CFB: variants seen among roughly 807,000 people sequenced by gnomAD.
The protein encoded by CFB is B-factor, properdin.
A neutral mutation model predicts 97.2 loss-of-function variants in CFB; 59 were observed. The observed-to-expected ratio is 0.61, with a 90% CI of 0.49 to 0.75. The LOEUF (loss-of-function observed/expected upper bound fraction) is 0.75, where lower values mean the gene tolerates loss of function less well. CFB is among the 30% of genes least tolerant of loss of function. CFB has a pLI of 0.00. For missense variants in CFB, 771 were observed against 959.8 expected (o/e 0.80, Z 2.60); for synonymous variants, 316 against 351.7 (o/e 0.90, Z 1.14).
chr6:31,949,621 T>C (rs1771633155), intron 10 of CFB, 64 bp downstream of exon 10: 1 of 1,593,748 alleles, frequency 6.3e-7, no homozygotes. Context: ...TAATTCATTC[T>C]TCCTCTACAC....
Position 31,948,023 on chromosome 6 carries a change from G to C in CFB, c.839G>C (p.Ser280Thr). Residue 280 changes from serine to threonine, a missense_variant, in exon 6 of 18, where the codon AGC becomes ACC. Transcript: ENST00000425368. ...NIYLVLDGSD[S>T]IGASNFTGAK... ...TACCTGGTGCTAGATGGATCAGACAGCATTGGGGCCAGCAACTTCACAGGA... is the reference window on the plus strand; with the variant it reads ...TACCTGGTGCTAGATGGATCAGACACCATTGGGGCCAGCAACTTCACAGGA... 1 of 1,614,180 alleles carries C rather than the reference G, an allele frequency of 6.2e-7. No homozygotes were observed. Among genetic ancestry groups the C allele is most frequent in the Non-Finnish European group, 8.5e-7 (1 of 1,180,040 alleles).
chr6:31,950,979 T>C (rs1412853883), intron 14 of CFB, 35 bp downstream of exon 14: 1 of 1,609,206 alleles, frequency 6.2e-7, no homozygotes, highest in Admixed American at 1.7e-5. Context: ...AAGGATGAGA[T>C]CCCAAGAGAC....
intron 10 of CFB, 131 bp from the exon 11 acceptor site, chr6:31,949,919 G>T (rs937564042): frequency 2.3e-6 from 2 of 887,168 alleles, no homozygotes; most frequent in Non-Finnish European, 1.9e-6. Flanking sequence ...CCTAACACGA[G>T]GAAACAAATA....
chr6:31,947,821 T>C lies in CFB; in HGVS notation c.738T>C (p.Asp246=). ...TGACAGAGACCATAGAAGGAGTCGA[T>C]GCTGAGGATGGGCACGGCCCAGGTT... The part of the protein sequence containing the change: ...SSLTETIEGV[D]AEDGHGPGEQ... The change falls in exon 5 of 18, where the codon GAT becomes GAC. Residue 246 remains aspartate, a synonymous_variant. Coordinates refer to ENST00000425368, the MANE Select transcript of CFB (RefSeq NM_001710.6). This position sits in a 1 kb window ranked among gnomAD's most constrained non-coding sequence, Gnocchi z 5.3. 6.2e-7 allele frequency: 1 copy of C among 1,613,718 alleles called. No homozygotes were observed. The highest frequency in any genetic ancestry group is 1.3e-5 in the African/African-American group (1 of 74,990).
rs1458305119 is a variant in CFB, at chr6:31,950,688, A to C, written c.1694A>C (p.Lys565Thr). The C allele has an allele frequency of 3.1e-6, 5 of 1,612,952 alleles. No individual in the cohort carries two copies. The South Asian group carries it at 5.5e-5, about 18-fold the overall frequency. The part of the protein sequence containing the change: ...FHPNYNINGK[K>T]EAGIPEFYDY... Reference sequence around the variant, plus strand: ...CCCAACTACAACATTAATGGGAAAAAAGAAGCAGGAATTCCTGAATTTTAT... The same window carrying C: ...CCCAACTACAACATTAATGGGAAAACAGAAGCAGGAATTCCTGAATTTTAT... The change falls in exon 13 of 18, where the codon AAA (lysine) becomes ACA (threonine). Residue 565 changes from lysine to threonine, a missense_variant. Transcript: ENST00000425368.
Position 31,950,313 on chromosome 6 carries a change from A to T in CFB, c.1534A>T (p.Met512Leu), listed in dbSNP as rs1457786430. The change falls in exon 12 of 18, where the codon ATG becomes TTG. Residue 512 changes from methionine to leucine, a missense_variant. Physicochemically the swap from Met to Leu is conservative, Grantham distance 15. Transcript: ENST00000425368. ...IRPSKGHESCMGAVVSEYFVL... is the reference protein window; with the variant it reads ...IRPSKGHESCLGAVVSEYFVL... ...CCCTTCAAAGGGACACGAGAGCTGT[A>T]TGGGGGCTGTGGTGTCTGAGTACTT... 6.2e-7 allele frequency: 1 copy of T among 1,613,048 alleles called. No individual in the cohort carries two copies. The highest frequency in any genetic ancestry group is 1.1e-5 in the South Asian group (1 of 91,088).
chr6:31,946,159 GCAAAGCAAGC>G lies in CFB; in HGVS notation c.-60_-51del. The G allele has an allele frequency of 6.4e-7, 1 of 1,573,440 alleles. No individual in the cohort carries two copies. Among genetic ancestry groups the G allele is most frequent in the Non-Finnish European group, 8.7e-7 (1 of 1,144,194 alleles). ...CTTGGACACTGAGCCAAGCAGACAA[GCAAAGCAAGC>G]CAGGACACACCATCCTGCCCCAGGC... On this transcript the variant is annotated 5_prime_UTR_variant, in exon 1 of 18. Coordinates refer to ENST00000425368, the MANE Select transcript of CFB (RefSeq NM_001710.6). The surrounding 1 kb of genome is among the most constrained non-coding windows in gnomAD (Gnocchi z 6.4).
rs1310006899 is a variant in CFB at position 31,946,946 on chromosome 6, G to A, written c.299-61G>A. 6.4e-7 allele frequency: 1 copy of A among 1,566,454 alleles called. No homozygotes were observed. Among genetic ancestry groups the A allele is most frequent in the Non-Finnish European group, 8.8e-7 (1 of 1,138,132 alleles). On this transcript the variant is annotated intron_variant, in intron 2 of 17. Coordinates refer to ENST00000425368, the MANE Select transcript of CFB (RefSeq NM_001710.6). The surrounding 1 kb of genome is among the most constrained non-coding windows in gnomAD (Gnocchi z 6.4). Reference sequence around the variant, plus strand: ...AGTGACATGGTCTCCGAGACCAGGAGGGATACACCTAAGGCAGCCTTTCCC... The same window carrying A: ...AGTGACATGGTCTCCGAGACCAGGAAGGATACACCTAAGGCAGCCTTTCCC...
At chr6:31,948,277 T>C in intron 6 of CFB, 97 bp from the exon 7 acceptor site, 1 of 1,572,196 alleles carries the variant, frequency 6.4e-7, no homozygotes, top group Non-Finnish European at 8.7e-7. Flanking sequence ...CTTGAGCCTC[T>C]TACTGAGAGC....
In CFB at chr6:31,946,402, C is replaced by T. The variant is rs12614; in HGVS notation, c.94C>T (p.Arg32Trp). The stretch of plus-strand genomic sequence containing the variant: ...GACCACCACTCCATGGTCTTTGGCC[C>T]GGCCCCAGGGATCCTGCTCTCTGGA... ...GVTTTPWSLA[R>W]PQGSCSLEGV... The change falls in exon 2 of 18, where the codon CGG becomes TGG. Residue 32 changes from arginine (R) to tryptophan (W), a missense_variant. Coordinates refer to ENST00000425368, the MANE Select transcript of CFB (RefSeq NM_001710.6). This position sits in a 1 kb window ranked among gnomAD's most constrained non-coding sequence, Gnocchi z 6.4. 0.11 allele frequency: 175,694 copies of T among 1,612,892 alleles called. 13,042 individuals carry two copies. Among genetic ancestry groups the T allele is most frequent in the African/African-American group, 0.33 (25,067 of 74,960 alleles).
chr6:31,949,426 A>G lies in CFB; in HGVS notation c.1277A>G (p.Tyr426Cys), dbSNP rs1771620795. 1 of 1,614,156 alleles carries G rather than the reference A, an allele frequency of 6.2e-7. No individual in the cohort carries two copies. The highest frequency in any genetic ancestry group is 2.2e-5 in the East Asian group (1 of 44,888). Residue 426 changes from tyrosine to cysteine, a missense_variant, in exon 10 of 18, where the codon TAT (tyrosine) becomes TGT (cysteine). Tyr to Cys is a radical substitution (Grantham distance 194, BLOSUM62 -2). Coordinates refer to ENST00000425368, the MANE Select transcript of CFB (RefSeq NM_001710.6). ...KNPREDYLDV[Y>C]VFGVGPLVNQ... ...CTTCCTTTTTATCCCTCAGATGTCT[A>G]TGTGTTTGGGGTCGGGCCTTTGGTG... is the stretch of plus-strand genomic sequence containing the variant.
rs1054655761 is a variant in CFB at position 31,946,763 on chromosome 6, C to T, written c.298+157C>T. On this transcript the variant is annotated intron_variant, in intron 2 of 17. Coordinates refer to ENST00000425368, the MANE Select transcript of CFB (RefSeq NM_001710.6). This position sits in a 1 kb window ranked among gnomAD's most constrained non-coding sequence, Gnocchi z 6.4. ...CAGGCGGAAAGGGGGCAAGAAAAAG[C>T]GGAGTTAACCCTTACTAAGCATTTA... The T allele has an allele frequency of 1.5e-5, 12 of 822,008 alleles. No homozygotes were observed. The highest frequency in any genetic ancestry group is 5.8e-5 in the South Asian group (4 of 69,150). 50.9% of individuals were successfully genotyped at this position (822,008 alleles called of 1,614,324 possible).
chr6:31,948,714 AATG>A (rs4151653), intron 7 of CFB, 113 bp from the exon 8 acceptor site: 42,011 of 1,568,672 alleles, frequency 0.027, 1,356 homozygotes, highest in South Asian at 0.12. Context: ...AAGTCCGTGT[AATG>A]ATGATTAACT....
intron 10 of CFB, 126 bp downstream of exon 10, chr6:31,949,683 A>C (rs1424018803): frequency 1.0e-5 from 12 of 1,151,128 alleles, no homozygotes; most frequent in Middle Eastern, 3.9e-4. Context: ...TCTCTACCTC[A>C]GTGTCACTAT....
Position 31,948,392 on chromosome 6 carries a change from A to T in CFB, c.916A>T (p.Lys306Ter). 1 of 1,614,234 alleles carries T rather than the reference A, an allele frequency of 6.2e-7. No homozygotes were observed. The highest frequency in any genetic ancestry group is 1.1e-5 in the South Asian group (1 of 91,090). Reference sequence around the variant, plus strand: ...CCCACAGGTGGCAAGTTATGGTGTGAAGCCAAGATATGGTCTAGTGACATA... The same window carrying T: ...CCCACAGGTGGCAAGTTATGGTGTGTAGCCAAGATATGGTCTAGTGACATA... ...LIEKVASYGVKPRYGLVTYAT... is the reference protein window; with the variant it reads ...LIEKVASYGV Residue 306 changes from lysine to a stop codon, truncating the protein, a stop_gained, in exon 7 of 18, where the codon AAG becomes TAG. Transcript: ENST00000425368. LOFTEE classifies it high-confidence loss of function.
In CFB at chr6:31,950,366, T is replaced by C. The variant is rs1232078667; in HGVS notation, c.1587T>C (p.Thr529=). The part of the protein sequence containing the change: ...YFVLTAAHCF[T]VDDKEHSIKV... ...TGCTGACAGCAGCACATTGTTTCAC[T>C]GTGGATGACAAGGAACACTCAATCA... is the stretch of plus-strand genomic sequence containing the variant. Residue 529 remains threonine, a synonymous_variant, in exon 12 of 18, where the codon ACT becomes ACC. Transcript: ENST00000425368. The C allele has an allele frequency of 2.5e-6, 4 of 1,613,090 alleles. No homozygotes were observed. Among genetic ancestry groups the C allele is most frequent in the Non-Finnish European group, 3.4e-6 (4 of 1,180,028 alleles).
Position 31,947,797 on chromosome 6 carries a change from G to T in CFB, c.714G>T (p.Leu238=), listed in dbSNP as rs1415962565. The T allele has an allele frequency of 6.2e-7, 1 of 1,613,524 alleles. No individual in the cohort carries two copies. Among genetic ancestry groups the T allele is most frequent in the South Asian group, 1.1e-5 (1 of 91,076 alleles). Residue 238 remains leucine (L), a synonymous_variant, in exon 5 of 18, where the codon CTG becomes CTT. Coordinates refer to ENST00000425368, the MANE Select transcript of CFB (RefSeq NM_001710.6). The surrounding 1 kb of genome is among the most constrained non-coding windows in gnomAD (Gnocchi z 5.3). ...TGGCCGAAGCTTTCCTGTCTTCCCTGACAGAGACCATAGAAGGAGTCGATG... is the reference window on the plus strand; with the variant it reads ...TGGCCGAAGCTTTCCTGTCTTCCCTTACAGAGACCATAGAAGGAGTCGATG... ...QEVAEAFLSS[L]TETIEGVDAE...
intron 6 of CFB, 121 bp from the exon 7 acceptor site, chr6:31,948,243 GTAATTCCTCC>G: frequency 6.6e-7 from 1 of 1,508,716 alleles, no homozygotes; most frequent in African/African-American, 1.4e-5. Context: ...TTCTTGACTG[GTAATTCCTCC>G]ATGAACCTCA....
At chr6:31,949,074 T>C in intron 8 of CFB, 113 bp downstream of exon 8, 1 of 1,514,896 alleles carries the variant, frequency 6.6e-7, no homozygotes, top group Non-Finnish European at 9.1e-7. Context: ...ATGTGACTCA[T>C]AGCTGGCTGT....
Sources: gnomAD v4.1 joint callset for allele counts on GRCh38, gnomAD v4.1.1 for gene constraint, Gnocchi (gnomAD v3.1) non-coding constraint, MANE v1.5 for transcripts, NCBI Gene and HGNC (gene_info 2026-07-23, HGNC 2026-07-21) for gene names.